The following NDST3 variants were observed in gnomAD, a reference collection of about 807,000 sequenced individuals.
The protein encoded by NDST3 is bifunctional heparan sulfate N-deacetylase/N-sulfotransferase 3.
Under a neutral mutation model 96.1 loss-of-function variants are expected in NDST3, and 58 were observed. The ratio of observed to expected loss-of-function variants is 0.60; its 90% CI spans 0.49 to 0.75. The LOEUF (loss-of-function observed/expected upper bound fraction) is 0.75, where lower values mean the gene tolerates loss of function less well. NDST3 is among the 30% of genes least tolerant of loss of function. NDST3 has a pLI of 0.00. For synonymous variants in NDST3, 333 were observed against 359.7 expected, an observed-to-expected ratio of 0.93 and a Z score of 0.84; for missense variants, 788 against 1,034.2, an observed-to-expected ratio of 0.76 and a Z score of 3.27.
intron 2 of NDST3, among the ~76,000 whole-genome samples, chr4:118,073,727 T>C (rs1229887165): frequency 6.6e-6 from 1 of 151,996 alleles, no homozygotes; most frequent in Non-Finnish European, 1.5e-5. Flanking sequence ...ATTCAGTTCA[T>C]TTTTTCACAT....
intron 9 of NDST3, among the ~76,000 whole-genome samples, chr4:118,235,060 G>GGAAAGAAGGAAA: frequency 6.6e-6 from 1 of 150,874 alleles, no homozygotes; most frequent in Non-Finnish European, 1.5e-5. Flanking sequence ...AAGGAAGGAA[G>GGAAAGAAGGAAA]GAAGGACTGA....
chr4:118,054,424 G>T lies in NDST3; in HGVS notation c.514G>T (p.Val172Leu). 6.2e-7 allele frequency: 1 copy of T among 1,613,018 alleles called. No individual in the cohort carries two copies. Among genetic ancestry groups the T allele is most frequent in the Non-Finnish European group, 8.5e-7 (1 of 1,179,398 alleles). The change falls in exon 2 of 14, where the codon GTA becomes TTA. Residue 172 changes from valine (V) to leucine (L), a missense_variant. By Grantham distance (32) the Val-to-Leu change is conservative. This residue lies in a region of NDST3 where 234 missense variants were observed against 256.9 expected (regional missense o/e 0.91). Coordinates refer to ENST00000296499, the MANE Select transcript of NDST3 (RefSeq NM_004784.3). ...IGFHKTSEKS[V>L]QSFQLKGFPF... ...ATTCCACAAAACTAGTGAGAAGAGTGTACAGAGCTTTCAGTTAAAAGGTTT... is the reference window on the plus strand; with the variant it reads ...ATTCCACAAAACTAGTGAGAAGAGTTTACAGAGCTTTCAGTTAAAAGGTTT...
intron 6 of NDST3, among the ~76,000 whole-genome samples, chr4:118,222,444 A>G (rs1389091678): frequency 6.6e-6 from 1 of 152,030 alleles, no homozygotes; most frequent in Non-Finnish European, 1.5e-5. Context: ...TATGCCTGAC[A>G]AATTATACTC....
intron 4 of NDST3, among the ~76,000 whole-genome samples, chr4:118,115,403 G>C (rs943615816): frequency 6.6e-6 from 1 of 152,144 alleles, no homozygotes; most frequent in African/African-American, 2.4e-5. Flanking sequence ...GATTCTTCTG[G>C]AAATAAGATT....
At chr4:118,111,875 A>G (rs1578659220) in intron 3 of NDST3, among the ~76,000 whole-genome samples, 1 of 151,672 alleles carries the variant, frequency 6.6e-6, no homozygotes, top group South Asian at 2.1e-4. Flanking sequence ...TGCCTGAGCT[A>G]TCTTTTTAGC....
chr4:118,228,306 A>C (rs180816040), intron 8 of NDST3, among the ~76,000 whole-genome samples: 2 of 152,354 alleles, frequency 1.3e-5, no homozygotes, highest in African/African-American at 4.8e-5. Context: ...AACTCTCTTC[A>C]GTGAACTCCC....
chr4:118,245,461 C>A (rs908250019), intron 12 of NDST3, among the ~76,000 whole-genome samples: 1 of 152,128 alleles, frequency 6.6e-6, no homozygotes, highest in African/African-American at 2.4e-5. Context: ...AGCTAAGTCA[C>A]GAAGGACTGA....
intron 5 of NDST3, among the ~76,000 whole-genome samples, chr4:118,140,286 A>G (rs1461362308): frequency 1.3e-5 from 2 of 152,204 alleles, no homozygotes; most frequent in African/African-American, 4.8e-5. Context: ...GCACCTTAGT[A>G]TATAGCAACT....
At chr4:118,241,125 T>C (rs1740979260) in intron 11 of NDST3, among the ~76,000 whole-genome samples, 1 of 152,202 alleles carries the variant, frequency 6.6e-6, no homozygotes, top group African/African-American at 2.4e-5. Context: ...TCAACCTAGA[T>C]TGCAAAATCA....
At chr4:118,070,644 ATTC>A (rs202113247) in intron 2 of NDST3, among the ~76,000 whole-genome samples, 61 of 140,796 alleles carry the variant, frequency 4.3e-4, no homozygotes, top group Non-Finnish European at 8.0e-4. Context: ...GACCTCAACC[ATTC>A]TTTTTTTTTT....
At chr4:118,178,807 A>T (rs969811140) in intron 6 of NDST3, among the ~76,000 whole-genome samples, 3 of 152,086 alleles carry the variant, frequency 2.0e-5, no homozygotes, top group Non-Finnish European at 4.4e-5. Flanking sequence ...CCATCAGTGC[A>T]CAGGGATTCC....
intron 8 of NDST3, among the ~76,000 whole-genome samples, chr4:118,230,604 G>T (rs1259126627): frequency 6.6e-6 from 1 of 152,050 alleles, no homozygotes; most frequent in Non-Finnish European, 1.5e-5. Flanking sequence ...GAAATTCTTG[G>T]GTTATAACAA....
intron 10 of NDST3, among the ~76,000 whole-genome samples, chr4:118,239,075 T>G (rs1311531153): frequency 1.3e-5 from 2 of 152,218 alleles, no homozygotes; most frequent in African/African-American, 4.8e-5. Context: ...ATCTGAAGTC[T>G]GCAAATAGGC....
chr4:118,108,800 T>C (rs1730410302), intron 3 of NDST3, among the ~76,000 whole-genome samples: 1 of 152,144 alleles, frequency 6.6e-6, no homozygotes, highest in Admixed American at 6.5e-5. Flanking sequence ...AGAATAACTT[T>C]AACATAAGAA....
intron 1 of NDST3, among the ~76,000 whole-genome samples, chr4:118,036,988 A>T (rs1368661908): frequency 2.0e-5 from 3 of 150,980 alleles, no homozygotes; most frequent in Non-Finnish European, 4.4e-5. Context: ...TCATTGCTGA[A>T]TTTTTTTTTT....
At chr4:118,094,932 C>A (rs571116093) in intron 2 of NDST3, among the ~76,000 whole-genome samples, 36 of 151,694 alleles carry the variant, frequency 2.4e-4, no homozygotes, top group Non-Finnish European at 4.9e-4. Context: ...AGGGTGGTCA[C>A]AAAAAATATA....
intron 2 of NDST3, among the ~76,000 whole-genome samples, chr4:118,104,192 T>A (rs185308781): frequency 4.6e-5 from 7 of 152,300 alleles, no homozygotes; most frequent in Admixed American, 2.6e-4. Flanking sequence ...TAAGCTAGGA[T>A]ACCACTAATT....
At chr4:118,049,135 T>C (rs1360183524) in intron 1 of NDST3, among the ~76,000 whole-genome samples, 1 of 152,026 alleles carries the variant, frequency 6.6e-6, no homozygotes, top group Admixed American at 6.6e-5. Flanking sequence ...TTGGTGAACA[T>C]CAAAGTTAAG....
Position 118,054,165 on chromosome 4 carries a change from G to A in NDST3, c.255G>A (p.Glu85=). 1 of 1,612,972 alleles carries A rather than the reference G, an allele frequency of 6.2e-7. No homozygotes were observed. The highest frequency in any genetic ancestry group is 8.5e-7 in the Non-Finnish European group (1 of 1,179,380). Reference sequence around the variant, plus strand: ...ACCCCACAGTCCTAGTATTTGTAGAGAGCCAGTACTCATCTCTTGGTCAAG... The same window carrying A: ...ACCCCACAGTCCTAGTATTTGTAGAAAGCCAGTACTCATCTCTTGGTCAAG... ...RTDPTVLVFV[E]SQYSSLGQDI... Residue 85 remains glutamate, a synonymous_variant, in exon 2 of 14, where the codon GAG becomes GAA. Coordinates refer to ENST00000296499, the MANE Select transcript of NDST3 (RefSeq NM_004784.3).
Sources: allele counts gnomAD v4.1 joint callset (sites outside exome capture counted in the v4.1 genomes callset), GRCh38; gene constraint gnomAD v4.1.1; regional missense constraint gnomAD v4.1.1; transcripts MANE v1.5; gene names NCBI Gene and HGNC (gene_info 2026-07-23, HGNC 2026-07-21).